The following IL1RAPL1 variants were observed in gnomAD, a reference collection of about 807,000 sequenced individuals.
IL1RAPL1 encodes interleukin 1 receptor accessory protein like 1.
Under a neutral mutation model 48.4 loss-of-function variants are expected in IL1RAPL1, and 3 were observed. That is an observed-to-expected ratio of 0.06 (90% CI 0.03 to 0.16). The LOEUF (loss-of-function observed/expected upper bound fraction) is 0.16. Ranked by LOEUF, IL1RAPL1 falls within the 10% of genes least tolerant of loss-of-function variation. The probability of loss-of-function intolerance (pLI) is 1.00; values close to 1 mark genes in which losing one functional copy is unlikely to be tolerated. For missense variants in IL1RAPL1, 349 were observed against 530.6 expected (o/e 0.66, Z 3.36); for synonymous variants, 185 against 187.7 (o/e 0.99, Z 0.12).
Position 28,599,130 on chromosome X carries a change from G to T in IL1RAPL1, c.-25+11083G>T, listed in dbSNP as rs1017641752. Among the ~76,000 whole-genome samples the T allele has an allele frequency of 2.8e-5, 3 of 108,225 alleles. No individual in the cohort carries two copies. The South Asian group carries it at 1.3e-3, about 46-fold the overall frequency. The allele number at this position is 108,225 out of a possible 115,157, so 94.0% of individuals were successfully genotyped here. ...TTGGCAGGTTCTTGTGATCCCAGCC[G>T]GCTACTCGGGAGGCTGAGGCAGGAG... On this transcript the variant is annotated intron_variant, in intron 1 of 10. Coordinates refer to ENST00000378993, the MANE Select transcript of IL1RAPL1 (RefSeq NM_014271.4).
At chrX:28,680,262 G>A (rs1039212482) in intron 1 of IL1RAPL1, among the ~76,000 whole-genome samples, 3 of 111,150 alleles carry the variant, frequency 2.7e-5, no homozygotes, top group African/African-American at 9.8e-5. Context: ...TTTCTGGATA[G>A]TTTGTTGTCA....
At chrX:29,809,389 C>T (rs758290436) in intron 6 of IL1RAPL1, among the ~76,000 whole-genome samples, 8 of 110,278 alleles carry the variant, frequency 7.3e-5, no homozygotes, top group African/African-American at 1.6e-4. Flanking sequence ...AGGCGTGAGC[C>T]ACCGTGCCCG....
intron 6 of IL1RAPL1, among the ~76,000 whole-genome samples, chrX:29,750,104 C>T (rs977772225): frequency 8.9e-6 from 1 of 111,959 alleles, no homozygotes; most frequent in African/African-American, 3.2e-5. Flanking sequence ...CATCTCCTTA[C>T]CCAAAGAGCC....
chrX:28,988,933 G>T (rs1925538669), intron 2 of IL1RAPL1, among the ~76,000 whole-genome samples: 1 of 111,305 alleles, frequency 9.0e-6, no homozygotes, highest in Non-Finnish European at 1.9e-5. Flanking sequence ...ATAAGAGAAG[G>T]AAAGTTTCAC....
At chrX:29,626,397 A>C (rs984421427) in intron 5 of IL1RAPL1, among the ~76,000 whole-genome samples, 1 of 111,944 alleles carries the variant, frequency 8.9e-6, no homozygotes, top group African/African-American at 3.2e-5. Context: ...TTGAGTGGTT[A>C]CAGTGGAAGC....
At chrX:29,708,275 C>T (rs1056506093) in intron 6 of IL1RAPL1, among the ~76,000 whole-genome samples, 7 of 111,257 alleles carry the variant, frequency 6.3e-5, no homozygotes, top group Admixed American at 1.9e-4. Context: ...AAATCTATTC[C>T]GTCTGCCAGT....
At chrX:28,713,230 G>T (rs988052975) in intron 1 of IL1RAPL1, among the ~76,000 whole-genome samples, 5 of 108,973 alleles carry the variant, frequency 4.6e-5, no homozygotes, top group Non-Finnish European at 9.5e-5. Flanking sequence ...ATTTTTTTTT[G>T]TATTTTCAGT....
intron 6 of IL1RAPL1, among the ~76,000 whole-genome samples, chrX:29,734,885 A>G (rs967545556): frequency 1.4e-4 from 16 of 111,356 alleles, no homozygotes; most frequent in Admixed American, 9.5e-5. Context: ...CCTGTCTTGA[A>G]CTTTGCACAA....
intron 1 of IL1RAPL1, among the ~76,000 whole-genome samples, chrX:28,761,656 G>T (rs146095032): frequency 0.011 from 1,180 of 111,544 alleles, 16 homozygotes; most frequent in African/African-American, 0.036. Flanking sequence ...CCCACTACCT[G>T]GGAGATGAGA....
chrX:29,883,480 A>G, intron 6 of IL1RAPL1, among the ~76,000 whole-genome samples: 1 of 112,227 alleles, frequency 8.9e-6, no homozygotes. Context: ...ACCATTATAA[A>G]AAAACATACA....
intron 5 of IL1RAPL1, among the ~76,000 whole-genome samples, chrX:29,588,478 T>C (rs1161879823): frequency 1.8e-5 from 2 of 112,456 alleles, no homozygotes; most frequent in Non-Finnish European, 3.8e-5. Flanking sequence ...CTAGAAGCTG[T>C]TCCTGAGAGA....
At chrX:29,053,886 C>T (rs1927153389) in intron 2 of IL1RAPL1, among the ~76,000 whole-genome samples, 1 of 111,621 alleles carries the variant, frequency 9.0e-6, no homozygotes, top group Non-Finnish European at 1.9e-5. Context: ...TGTAGGAGTG[C>T]AGCTTTATTT....
In IL1RAPL1 at chrX:29,210,598, G is replaced by T. The variant is rs986935073; in HGVS notation, c.83-72340G>T. ...TCTAACTTCAGCCAGCTTCAGAAAT[G>T]TATTCAGTCATATTATCATGAAATA... On this transcript the variant is annotated intron_variant, in intron 2 of 10. Transcript: ENST00000378993. 2.7e-5 allele frequency among the ~76,000 whole-genome samples: 3 copies of T among 111,775 alleles called. No individual in the cohort carries two copies. In the East Asian group the frequency reaches 8.4e-4, roughly 31 times the overall value.
intron 2 of IL1RAPL1, among the ~76,000 whole-genome samples, chrX:28,925,547 A>G (rs894150728): frequency 1.3e-4 from 14 of 111,761 alleles, no homozygotes; most frequent in Non-Finnish European, 2.6e-4. Context: ...TGAATTGCCT[A>G]TTTCAATACT....
intron 2 of IL1RAPL1, among the ~76,000 whole-genome samples, chrX:29,223,230 C>A (rs1033999542): frequency 5.4e-5 from 6 of 111,458 alleles, no homozygotes; most frequent in African/African-American, 2.0e-4. Context: ...CATCATTTTG[C>A]CCCTTTGGAC....
intron 6 of IL1RAPL1, among the ~76,000 whole-genome samples, chrX:29,742,911 G>A (rs1339228286): frequency 1.8e-5 from 2 of 110,949 alleles, no homozygotes; most frequent in African/African-American, 3.3e-5. Flanking sequence ...AGAGAACCTC[G>A]GATTTAGATT....
chrX:29,861,274 G>T, intron 6 of IL1RAPL1, among the ~76,000 whole-genome samples: 1 of 111,378 alleles, frequency 9.0e-6, no homozygotes, highest in Non-Finnish European at 1.9e-5. Context: ...ATCAATATTT[G>T]AATCATCCAT....
At chrX:29,832,946 T>C (rs1930915200) in intron 6 of IL1RAPL1, among the ~76,000 whole-genome samples, 4 of 110,896 alleles carry the variant, frequency 3.6e-5, no homozygotes, top group East Asian at 5.6e-4. Context: ...CATTAATAAA[T>C]GGTGGGGGAA....
chrX:29,358,528 A>T (rs1436865177), intron 3 of IL1RAPL1, among the ~76,000 whole-genome samples: 1 of 110,236 alleles, frequency 9.1e-6, no homozygotes, highest in African/African-American at 3.3e-5. Flanking sequence ...GAACATAAAT[A>T]CATATGTGTT....
Sources: allele counts gnomAD v4.1 joint callset (sites outside exome capture counted in the v4.1 genomes callset), GRCh38; gene constraint gnomAD v4.1.1; transcripts MANE v1.5; gene names NCBI Gene and HGNC (gene_info 2026-07-23, HGNC 2026-07-21).